Variants in ASB14 observed in about 807,000 individuals in gnomAD.
ASB14 encodes the protein ankyrin repeat and SOCS box containing 14.
ASB14 carries 63 observed loss-of-function variants against 55.6 expected under a neutral mutation model. The observed-to-expected ratio is 1.13, with a 90% CI of 0.92 to 1.40. The LOEUF is 1.40. ASB14 is among the 40% of genes most tolerant of loss of function. The pLI is 0.00. For synonymous variants in ASB14, 256 were observed against 259.9 expected (o/e 0.98, Z 0.15); for missense variants, 724 against 710.4 (o/e 1.02, Z -0.22).
chr3:57,279,306 C>G (rs1257512826), intron 7 of ASB14, among the ~76,000 whole-genome samples: 1 of 106,218 alleles, frequency 9.4e-6, no homozygotes, highest in African/African-American at 3.7e-5. Context: ...ACGGAGTTTC[C>G]TCTTGTTGCC....
At position 57,292,009 on chromosome 3, in the gene ASB14, C is replaced by T. The variant is rs1432599610; in HGVS notation, c.25G>A (p.Asp9Asn). The T allele has an allele frequency of 5.9e-6, 9 of 1,533,540 alleles. No individual in the cohort carries two copies. The African/African-American group carries it at 1.2e-4, about 21-fold the overall frequency. 95.0% of individuals were successfully genotyped at this position (1,533,540 alleles called of 1,614,324 possible). The part of the protein sequence containing the change: MDNYTSDE[D>N]IDEDFDTQLI... The stretch of plus-strand genomic sequence containing the variant: ...TGGGTGTCAAAGTCTTCATCTATGT[C>T]TTCATCGCTGGTGTAATTATCCATG... Residue 9 changes from aspartate (D) to asparagine (N), a missense_variant, in exon 2 of 11, where the codon GAC becomes AAC. Physicochemically the swap from Asp to Asn is conservative, Grantham distance 23. Coordinates refer to ENST00000487349, the MANE Select transcript of ASB14 (RefSeq NM_001142733.3).
At position 57,278,752 on chromosome 3, in the gene ASB14, G is replaced by A. The variant is rs753650682; in HGVS notation, c.1056C>T (p.Tyr352=). 1.4e-5 allele frequency: 22 copies of A among 1,613,282 alleles called. No individual in the cohort carries two copies. The highest frequency in any genetic ancestry group is 1.6e-4 in the Middle Eastern group (1 of 6,084). The change falls in exon 8 of 11, where the codon TAC becomes TAT. Residue 352 remains tyrosine (Y), a synonymous_variant. Transcript: ENST00000487349. ...ACAAAGCTGACTTCCTGTGGTCATC[G>A]TAGTGTTTGTTAATTCTCTGATCCA... ...FMLDQRINKH[Y]DDHRKSALYF...
intron 10 of ASB14, among the ~76,000 whole-genome samples, chr3:57,274,939 G>A (rs1339944988): frequency 6.6e-6 from 1 of 152,072 alleles, no homozygotes; most frequent in Non-Finnish European, 1.5e-5. Flanking sequence ...TCAATTGAGG[G>A]TTCTATTTCA....
intron 6 of ASB14, among the ~76,000 whole-genome samples, chr3:57,282,408 T>G (rs1203712159): frequency 1.3e-5 from 2 of 152,184 alleles, no homozygotes; most frequent in African/African-American, 2.4e-5. Context: ...TTTAGATTGA[T>G]CCTACCTTGC....
rs976362071 is a variant in ASB14 at position 57,268,680 on chromosome 3, T to C, written c.*961A>G. On this transcript the variant is annotated 3_prime_UTR_variant, in exon 11 of 11. Coordinates refer to ENST00000487349, the MANE Select transcript of ASB14 (RefSeq NM_001142733.3). ...ATATGATGTTTACATTATAGTTACG[T>C]TGACATGTAATATGACTGTTTCAAA... The C allele has an allele frequency of 9.2e-6, 4 of 434,814 alleles. No individual in the cohort carries two copies. The highest frequency in any genetic ancestry group is 6.8e-4 in the Middle Eastern group (1 of 1,464). 26.9% of individuals were successfully genotyped at this position (434,814 alleles called of 1,614,324 possible).
chr3:57,278,536 TG>T lies in ASB14; in HGVS notation c.1271del (p.Pro424HisfsTer8). On this transcript the variant is annotated frameshift_variant, in exon 8 of 11. Transcript: ENST00000487349. LOFTEE classifies it high-confidence loss of function. ...CTTTCAGAGTGTATTGCAGTGCTGA[TG>T]GGAAATGTAAAGGGTTAACTCTGCA... ...YFCRVNPLHF[P>X]SALQYTLKDE... 4 of 1,614,186 alleles carry T rather than the reference TG, an allele frequency of 2.5e-6. No homozygotes were observed. Among genetic ancestry groups the T allele is most frequent in the Non-Finnish European group, 3.4e-6 (4 of 1,180,030 alleles).
rs763845101 is a variant in ASB14, at chr3:57,278,674, A to G, written c.1134T>C (p.Ala378=). 1.2e-5 allele frequency: 19 copies of G among 1,614,134 alleles called. No homozygotes were observed. The highest frequency in any genetic ancestry group is 1.6e-5 in the Non-Finnish European group (19 of 1,180,052). The change falls in exon 8 of 11, where the codon GCT becomes GCC. Residue 378 remains alanine (A), a synonymous_variant. Transcript: ENST00000487349. ...CCGGGTCTTGATTAGGCAGAGCTCC[A>G]GCACTCAGAAGCAGCTTGACTGAAG... ...DLSSVKLLLS[A]GALPNQDPVN...
intron 5 of ASB14, among the ~76,000 whole-genome samples, chr3:57,284,575 A>G (rs946252696): frequency 6.6e-6 from 1 of 152,244 alleles, no homozygotes; most frequent in African/African-American, 2.4e-5. Context: ...TTTAGGTGCC[A>G]CAGAAATGGA....
chr3:57,277,010 A>G (rs2060994339), intron 9 of ASB14, among the ~76,000 whole-genome samples: 1 of 152,184 alleles, frequency 6.6e-6, no homozygotes, highest in East Asian at 1.9e-4. Context: ...TCATGCCTGT[A>G]ATCCCAGCAC....
At chr3:57,282,633 TCA>T (rs1277457588) in intron 6 of ASB14, among the ~76,000 whole-genome samples, 2 of 152,172 alleles carry the variant, frequency 1.3e-5, no homozygotes, top group Non-Finnish European at 2.9e-5. Flanking sequence ...AATACCTACC[TCA>T]CAGAGTTTTT....
intron 3 of ASB14, among the ~76,000 whole-genome samples, chr3:57,288,493 T>C (rs1022372749): frequency 6.6e-6 from 1 of 152,172 alleles, no homozygotes; most frequent in Admixed American, 6.5e-5. Flanking sequence ...CCCAGCGTCT[T>C]GTTATTTACA....
chr3:57,287,908 AAG>A lies in ASB14; in HGVS notation c.460_461del (p.Leu154SerfsTer7), dbSNP rs1478623967. 6.5e-7 allele frequency: 1 copy of A among 1,537,164 alleles called. No homozygotes were observed. The highest frequency in any genetic ancestry group is 2.4e-5 in the East Asian group (1 of 40,910). ...AACAATGTATTCATTTACCTGCAAG[AAG>A]AGGAGAATTGCCTTCGAAATTCTTA... ...NAKNFEGNSP[L>X]LAAVLRDCYD... On this transcript the variant is annotated frameshift_variant, in exon 5 of 11. Transcript: ENST00000487349. LOFTEE classifies it high-confidence loss of function.
In ASB14 at chr3:57,269,529, C is replaced by G. The variant is rs1322248489; in HGVS notation, c.*112G>C. 1.2e-6 allele frequency: 2 copies of G among 1,606,924 alleles called. No homozygotes were observed. Among genetic ancestry groups the G allele is most frequent in the Non-Finnish European group, 1.7e-6 (2 of 1,177,446 alleles). On this transcript the variant is annotated 3_prime_UTR_variant, in exon 11 of 11. Coordinates refer to ENST00000487349, the MANE Select transcript of ASB14 (RefSeq NM_001142733.3). ...ACAAGTAACTTAGTTTCTTTTTTGT[C>G]TTTTCCACTAGGACTTGGAAGAACA...
At chr3:57,291,030 CTAAG>C (rs2061124268) in intron 2 of ASB14, among the ~76,000 whole-genome samples, 1 of 150,196 alleles carries the variant, frequency 6.7e-6, no homozygotes, top group Admixed American at 6.6e-5. Context: ...TTCCTCCTCT[CTAAG>C]TAGGGATAAT....
At chr3:57,269,774 AAGG>A in intron 10 of ASB14, 156 bp from the exon 11 acceptor site, 1 of 1,422,754 alleles carries the variant, frequency 7.0e-7, no homozygotes, top group Non-Finnish European at 9.7e-7. Context: ...TTGAAATATC[AAGG>A]AGGAGATTAA....
At chr3:57,273,046 A>G (rs770391752) in intron 10 of ASB14, 3 of 152,650 alleles carry the variant, frequency 2.0e-5, no homozygotes, top group East Asian at 1.9e-4. Flanking sequence ...TTGTCTTTCT[A>G]CATTAACTAG....
chr3:57,277,977 G>A, intron 8 of ASB14, 57 bp from the exon 9 acceptor site: 2 of 1,458,394 alleles, frequency 1.4e-6, no homozygotes, highest in Non-Finnish European at 1.9e-6. Context: ...AGTATCTATG[G>A]TTTAGCATAG....
chr3:57,290,741 T>C (rs757907737), intron 2 of ASB14, among the ~76,000 whole-genome samples: 28 of 152,236 alleles, frequency 1.8e-4, no homozygotes, highest in Admixed American at 4.6e-4. Context: ...AACTCTCTTA[T>C]ACCTTTCAAC....
At chr3:57,273,406 AGTT>A (rs1482253002) in intron 10 of ASB14, 7 of 152,608 alleles carry the variant, frequency 4.6e-5, no homozygotes, top group Admixed American at 3.9e-4. Context: ...TCAGGAAAAA[AGTT>A]GTTAGAAGAT....
Sources: gnomAD v4.1 joint callset for allele counts (sites outside exome capture counted in the v4.1 genomes callset) on GRCh38, gnomAD v4.1.1 for gene constraint, MANE v1.5 for transcripts, NCBI Gene and HGNC (gene_info 2026-07-23, HGNC 2026-07-21) for gene names.